CD2AP: variants seen among roughly 807,000 people sequenced by gnomAD.
CD2AP encodes CD2 associated protein.
A neutral mutation model predicts 85.1 loss-of-function variants in CD2AP; 46 were observed. The ratio of observed to expected loss-of-function variants is 0.54; its 90% CI spans 0.43 to 0.69. CD2AP has a LOEUF of 0.69. CD2AP is among the 30% of genes least tolerant of loss of function. The probability of loss-of-function intolerance (pLI) is 0.00; values close to 1 mark genes in which losing one functional copy is unlikely to be tolerated. For synonymous variants in CD2AP, 255 were observed against 252.9 expected (o/e 1.01, Z -0.08); for missense variants, 769 against 729.5 (o/e 1.05, Z -0.62).
At chr6:47,612,413 C>A (rs1041647532) in intron 16 of CD2AP, 60 bp from the exon 17 acceptor site, 2 of 1,226,734 alleles carry the variant, frequency 1.6e-6, no homozygotes, top group Admixed American at 1.7e-5. Flanking sequence ...AGCCTGTAAA[C>A]ATTAGTCAAA....
intron 5 of CD2AP, 26 bp downstream of exon 5, chr6:47,554,792 T>C: frequency 1.3e-6 from 2 of 1,565,650 alleles, no homozygotes; most frequent in Non-Finnish European, 1.7e-6. Context: ...AAATTTTTAA[T>C]TGATTTAAAT....
At chr6:47,581,754 C>T (rs960089166) in intron 10 of CD2AP, among the ~76,000 whole-genome samples, 1 of 152,152 alleles carries the variant, frequency 6.6e-6, no homozygotes, top group African/African-American at 2.4e-5. Context: ...TTCCATACTG[C>T]AGTACGGTAG....
intron 1 of CD2AP, among the ~76,000 whole-genome samples, chr6:47,480,863 C>G (rs1409061800): frequency 2.0e-5 from 3 of 152,110 alleles, no homozygotes; most frequent in African/African-American, 7.2e-5. Context: ...TTACAGAAAC[C>G]ACATAGATAC....
intron 4 of CD2AP, among the ~76,000 whole-genome samples, chr6:47,547,559 G>T (rs1191364093): frequency 1.3e-5 from 2 of 151,994 alleles, no homozygotes; most frequent in Non-Finnish European, 2.9e-5. Flanking sequence ...TAAGAAATGA[G>T]ATAGTAAGAC....
intron 2 of CD2AP, among the ~76,000 whole-genome samples, chr6:47,504,252 A>T (rs542395250): frequency 1.3e-3 from 191 of 152,358 alleles, no homozygotes; most frequent in Non-Finnish European, 1.9e-3. Flanking sequence ...TCATTAGATT[A>T]TGAGCTCTTC....
chr6:47,609,330 G>C (rs374818160), intron 16 of CD2AP, 26 bp downstream of exon 16: 1 of 1,528,428 alleles, frequency 6.5e-7, no homozygotes, highest in South Asian at 1.1e-5. Context: ...TTTCTCCTGT[G>C]AGTACTACTT....
rs146384979 is a variant in CD2AP at position 47,574,344 on chromosome 6, T to TC, written c.729+94dup. The TC allele has an allele frequency of 1.7e-3, 2,067 of 1,229,208 alleles. 19 individuals carry two copies. In the African/African-American group the frequency reaches 0.027, roughly 16 times the overall value. The allele number at this position is 1,229,208 out of a possible 1,614,324, so 76.1% of individuals were successfully genotyped here. A position where few individuals can be genotyped will look rare whatever the true frequency, so the allele number is the denominator to read the frequency against. The stretch of plus-strand genomic sequence containing the variant: ...AGTCAGTTTGTAACTCTGTTAGATT[T>TC]CTTTTTTTCAGATCACTAATAATTT... On this transcript the variant is annotated intron_variant, in intron 6 of 17. Coordinates refer to ENST00000359314, the MANE Select transcript of CD2AP (RefSeq NM_012120.3).
chr6:47,608,082 A>T (rs949165568), intron 15 of CD2AP, 54 bp downstream of exon 15: 2 of 1,191,764 alleles, frequency 1.7e-6, no homozygotes, highest in Admixed American at 1.7e-5. Context: ...CTTTGTGGAC[A>T]TCAAACATAG....
rs557115598 is a variant in CD2AP at position 47,559,935 on chromosome 6, A to G, written c.541+5169A>G. 1.1e-3 allele frequency among the ~76,000 whole-genome samples: 161 copies of G among 152,254 alleles called. No individual in the cohort carries two copies. In the South Asian group the frequency reaches 0.012, roughly 11 times the overall value. On this transcript the variant is annotated intron_variant, in intron 5 of 17. Transcript: ENST00000359314. ...ATTTTATAGTAGAGAAACCTAAGTC[A>G]TGATTTACATATTATTTTATATATT...
chr6:47,568,267 T>C (rs192847980), intron 5 of CD2AP, among the ~76,000 whole-genome samples: 75 of 152,324 alleles, frequency 4.9e-4, no homozygotes, highest in African/African-American at 1.7e-3. Context: ...CATTGAAAAT[T>C]ACCAACTTTT....
intron 11 of CD2AP, among the ~76,000 whole-genome samples, chr6:47,590,139 G>C (rs186713925): frequency 6.6e-6 from 1 of 152,016 alleles, no homozygotes. Flanking sequence ...TAGAAACCAA[G>C]AACAACAGAC....
chr6:47,483,942 G>A (rs1393512135), intron 1 of CD2AP, among the ~76,000 whole-genome samples: 1 of 152,052 alleles, frequency 6.6e-6, no homozygotes, highest in Admixed American at 6.6e-5. Flanking sequence ...AGTTATAACT[G>A]CAAATATAAT....
chr6:47,578,086 T>A (rs984527268), intron 8 of CD2AP, among the ~76,000 whole-genome samples: 5 of 152,178 alleles, frequency 3.3e-5, no homozygotes, highest in African/African-American at 1.2e-4. Flanking sequence ...AGCAAGAATT[T>A]TATAAATGTA....
At chr6:47,581,847 G>A (rs1382133224) in intron 10 of CD2AP, among the ~76,000 whole-genome samples, 156 bp from the exon 11 acceptor site, 1 of 152,138 alleles carries the variant, frequency 6.6e-6, no homozygotes, top group African/African-American at 2.4e-5. Context: ...TCCAGGATTA[G>A]AAATTGAGCC....
chr6:47,571,414 CA>C (rs1768149221), intron 5 of CD2AP, among the ~76,000 whole-genome samples: 1 of 152,226 alleles, frequency 6.6e-6, no homozygotes, highest in South Asian at 2.1e-4. Context: ...AGAGCTCTAC[CA>C]TTGTCCTAGG....
intron 2 of CD2AP, among the ~76,000 whole-genome samples, chr6:47,524,028 T>C (rs1298663856): frequency 2.0e-5 from 3 of 152,218 alleles, no homozygotes; most frequent in Non-Finnish European, 2.9e-5. Context: ...GAATTATTTG[T>C]ACCATTTCCC....
intron 3 of CD2AP, among the ~76,000 whole-genome samples, chr6:47,538,780 G>A (rs1767122253): frequency 6.6e-6 from 1 of 152,078 alleles, no homozygotes; most frequent in Non-Finnish European, 1.5e-5. Context: ...CATAATTTAA[G>A]AGCTTTGTTT....
chr6:47,517,636 A>C (rs1006900855), intron 2 of CD2AP, among the ~76,000 whole-genome samples: 1 of 152,152 alleles, frequency 6.6e-6, no homozygotes, highest in South Asian at 2.1e-4. Context: ...ATACTTCTTT[A>C]TAACAGCACA....
chr6:47,586,457 T>C (rs1768633703), intron 11 of CD2AP, among the ~76,000 whole-genome samples: 1 of 152,020 alleles, frequency 6.6e-6, no homozygotes, highest in South Asian at 2.1e-4. Flanking sequence ...AATGGAAAGG[T>C]GAGAGAATGG....
Sources: allele counts gnomAD v4.1 joint callset (sites outside exome capture counted in the v4.1 genomes callset), GRCh38; gene constraint gnomAD v4.1.1; transcripts MANE v1.5; gene names NCBI Gene and HGNC (gene_info 2026-07-23, HGNC 2026-07-21).